Variants in ATG16L1 observed in about 807,000 individuals in gnomAD.
The protein encoded by ATG16L1 is autophagy-related protein 16-1.
Under a neutral mutation model 88.5 loss-of-function variants are expected in ATG16L1, and 37 were observed. The observed-to-expected ratio is 0.42, with a 90% CI of 0.32 to 0.55. The LOEUF is 0.55. Among genes scored for constraint, ATG16L1 ranks in the 20% least tolerant of loss-of-function variants. ATG16L1 has a pLI of 0.13. For missense variants in ATG16L1, 554 were observed against 752.8 expected, an observed-to-expected ratio of 0.74 and a Z score of 3.09; for synonymous variants, 301 against 281.0, an observed-to-expected ratio of 1.07 and a Z score of -0.71.
At chr2:233,277,884 C>G (rs1398850925) in intron 10 of ATG16L1, among the ~76,000 whole-genome samples, 2 of 152,182 alleles carry the variant, frequency 1.3e-5, no homozygotes, top group Admixed American at 6.5e-5. Flanking sequence ...GATGTTTGCT[C>G]TCATTTTCTA....
chr2:233,265,196 A>G, intron 5 of ATG16L1, 53 bp downstream of exon 5: 4 of 1,579,732 alleles, frequency 2.5e-6, no homozygotes, highest in Non-Finnish European at 3.4e-6. Context: ...AGTAGAACCT[A>G]GGTCTTTGAA....
At chr2:233,278,343 G>A (rs542824895) in intron 10 of ATG16L1, among the ~76,000 whole-genome samples, 12 of 152,302 alleles carry the variant, frequency 7.9e-5, no homozygotes, top group South Asian at 2.1e-4. Context: ...TTAAATATGC[G>A]TGTATTTTTA....
At chr2:233,257,918 C>T (rs1696909633) in intron 2 of ATG16L1, among the ~76,000 whole-genome samples, 1 of 151,358 alleles carries the variant, frequency 6.6e-6, no homozygotes, top group East Asian at 1.9e-4. Flanking sequence ...GACAGAATTG[C>T]TTGAACCTGG....
At chr2:233,275,876 AGT>A (rs1698324327) in intron 9 of ATG16L1, 1 of 519,088 alleles carries the variant, frequency 1.9e-6, no homozygotes, top group African/African-American at 1.9e-5. Flanking sequence ...GGATTCTGTC[AGT>A]GTGTGTTTCT....
At chr2:233,261,801 A>G (rs974333299) in intron 2 of ATG16L1, among the ~76,000 whole-genome samples, 4 of 152,180 alleles carry the variant, frequency 2.6e-5, no homozygotes, top group Non-Finnish European at 5.9e-5. Context: ...CTATAAATCC[A>G]CAGTTCTAGT....
At chr2:233,263,594 C>T (rs746114836) in intron 3 of ATG16L1, among the ~76,000 whole-genome samples, 7 of 152,326 alleles carry the variant, frequency 4.6e-5, no homozygotes, top group African/African-American at 7.2e-5. Context: ...ATTTCAGAGA[C>T]ATTCGTGAGA....
chr2:233,254,402 C>G (rs1696632313), intron 1 of ATG16L1, among the ~76,000 whole-genome samples: 1 of 152,180 alleles, frequency 6.6e-6, no homozygotes, highest in South Asian at 2.1e-4. Context: ...TTGTGAAACA[C>G]CTTCATTCCA....
At chr2:233,288,173 A>C (rs1434782401) in intron 12 of ATG16L1, among the ~76,000 whole-genome samples, 1 of 152,152 alleles carries the variant, frequency 6.6e-6, no homozygotes, top group Non-Finnish European at 1.5e-5. Flanking sequence ...TCCCTCATTG[A>C]AGCTGAGAGG....
chr2:233,274,358 T>C, intron 8 of ATG16L1: 1 of 448,504 alleles, frequency 2.2e-6, no homozygotes, highest in Non-Finnish European at 4.0e-6. Flanking sequence ...AGCTAGCTGT[T>C]ACATTAAGTT....
At chr2:233,259,212 A>G (rs1697026190) in intron 2 of ATG16L1, among the ~76,000 whole-genome samples, 1 of 152,100 alleles carries the variant, frequency 6.6e-6, no homozygotes, top group South Asian at 2.1e-4. Context: ...GTGTGGGAAG[A>G]GGTGATTGGT....
Position 233,263,946 on chromosome 2 carries a change from G to A in ATG16L1, c.316-46G>A, listed in dbSNP as rs368197589. On this transcript the variant is annotated intron_variant, in intron 3 of 17. Transcript: ENST00000392017. ...CACCCACTGTGTAGTTTCCAAATGAGGTCCTAAAATTTTTATTTATGAAAG... is the reference window on the plus strand; with the variant it reads ...CACCCACTGTGTAGTTTCCAAATGAAGTCCTAAAATTTTTATTTATGAAAG... 24 of 1,585,594 alleles carry A rather than the reference G, an allele frequency of 1.5e-5. No homozygotes were observed. The South Asian group carries it at 2.3e-4, about 15-fold the overall frequency.
intron 10 of ATG16L1, 79 bp downstream of exon 10, chr2:233,277,752 G>T (rs1698471689): frequency 2.3e-6 from 3 of 1,312,036 alleles, no homozygotes; most frequent in African/African-American, 2.9e-5. Flanking sequence ...CTGTGTTGCT[G>T]GCATCTGGTT....
chr2:233,281,265 C>G, intron 11 of ATG16L1, 90 bp downstream of exon 11: 2 of 959,494 alleles, frequency 2.1e-6, no homozygotes, highest in Non-Finnish European at 3.0e-6. Context: ...TACCCGATTT[C>G]TCTGCCATTC....
intron 1 of ATG16L1, 37 bp downstream of exon 1, chr2:233,251,979 C>T (rs779986898): frequency 2.0e-6 from 3 of 1,474,428 alleles, no homozygotes; most frequent in South Asian, 2.5e-5. Flanking sequence ...GTGGGGCGGG[C>T]GGGCCCCGCG....
At position 233,264,898 on chromosome 2, in the gene ATG16L1, A is replaced by C. The variant is rs1341543551; in HGVS notation, c.396A>C (p.Ala132=). 6.2e-7 allele frequency: 1 copy of C among 1,613,892 alleles called. No individual in the cohort carries two copies. The highest frequency in any genetic ancestry group is 1.1e-5 in the South Asian group (1 of 91,076). The change falls in exon 5 of 18, where the codon GCA becomes GCC. Residue 132 remains alanine, a synonymous_variant. Transcript: ENST00000392017. ...REMQMNEAKI[A]ECLQTISDLE... ...TCTGATGTCATGCTTCCAGAATTGC[A>C]GAATGTTTGCAGACTATCTCTGACC...
chr2:233,266,250 G>A (rs191398764), intron 5 of ATG16L1: 3 of 152,498 alleles, frequency 2.0e-5, no homozygotes, highest in Admixed American at 2.0e-4. Flanking sequence ...TTGAAACCAG[G>A]AGTTTCAAGA....
At chr2:233,273,959 G>A (rs950486407) in intron 8 of ATG16L1, 182 bp downstream of exon 8, 23 of 1,548,954 alleles carry the variant, frequency 1.5e-5, no homozygotes, top group Non-Finnish European at 1.5e-5. Context: ...TCTTAATCTC[G>A]CTGCGTGCTG....
At chr2:233,283,390 A>C (rs1346894573) in intron 12 of ATG16L1, among the ~76,000 whole-genome samples, 1 of 151,922 alleles carries the variant, frequency 6.6e-6, no homozygotes, top group Non-Finnish European at 1.5e-5. Context: ...TCATCACATA[A>C]GCTTATTAAA....
At chr2:233,265,463 A>T (rs1429765943) in intron 5 of ATG16L1, among the ~76,000 whole-genome samples, 1 of 152,126 alleles carries the variant, frequency 6.6e-6, no homozygotes, top group Non-Finnish European at 1.5e-5. Context: ...AATCAGACTC[A>T]TTGATAGATT....
Sources: gnomAD v4.1 joint callset for allele counts (sites outside exome capture counted in the v4.1 genomes callset) on GRCh38, gnomAD v4.1.1 for gene constraint, MANE v1.5 for transcripts, NCBI Gene and HGNC (gene_info 2026-07-23, HGNC 2026-07-21) for gene names.